Variants in CRYBG1 observed in about 807,000 individuals in gnomAD.
CRYBG1 encodes beta/gamma crystallin domain-containing protein 1.
In CRYBG1, 139 loss-of-function variants were observed where a neutral mutation model predicts 189.2. The ratio of observed to expected loss-of-function variants is 0.73; its 90% confidence interval spans 0.64 to 0.85. CRYBG1 has a LOEUF of 0.85. Ranked by LOEUF, CRYBG1 falls within the 40% of genes least tolerant of loss-of-function variation. The pLI is 0.00. For missense variants in CRYBG1, 2,611 were observed against 2,675.8 expected, an observed-to-expected ratio of 0.98 and a Z score of 0.53; for synonymous variants, 1,023 against 1,017.1, an observed-to-expected ratio of 1.01 and a Z score of -0.11.
In CRYBG1 at chr6:106,424,373, T is replaced by C. The variant is rs138551096; in HGVS notation, c.174-27321T>C. Among the ~76,000 whole-genome samples the C allele has an allele frequency of 9.8e-4, 149 of 152,310 alleles. 1 individual carries two copies. Among genetic ancestry groups the C allele is most frequent in the African/African-American group, 3.3e-3 (138 of 41,580 alleles). On this transcript the variant is annotated intron_variant, in intron 1 of 21. Coordinates refer to ENST00000633556, the MANE Select transcript of CRYBG1 (RefSeq NM_001371242.2). ...ATTACACAAGACCATTTTACTTACA[T>C]GACATGACCATTTTACTCATCCTCC...
At chr6:106,442,939 T>C (rs914189878) in intron 1 of CRYBG1, among the ~76,000 whole-genome samples, 2 of 152,216 alleles carry the variant, frequency 1.3e-5, no homozygotes, top group Non-Finnish European at 2.9e-5. Context: ...TAGGGCTTTA[T>C]TCTGTAGACA....
Position 106,525,050 on chromosome 6 carries a change from T to C in CRYBG1, c.4246-83T>C, listed in dbSNP as rs557257764. 82 of 1,370,150 alleles carry C rather than the reference T, an allele frequency of 6.0e-5. No homozygotes were observed. In the African/African-American group the frequency reaches 6.7e-4, roughly 11 times the overall value. The allele number at this position is 1,370,150 out of a possible 1,614,324, so 84.9% of individuals were successfully genotyped here. ...GATACAATGTGGGAAAAGTGTGATC[T>C]ACCTACAGGATCGTGGGTGGAAAAA... On this transcript the variant is annotated intron_variant, in intron 4 of 21. Transcript: ENST00000633556.
chr6:106,549,301 G>A (rs867556998), intron 13 of CRYBG1, among the ~76,000 whole-genome samples: 5 of 152,114 alleles, frequency 3.3e-5, no homozygotes, highest in Admixed American at 6.5e-5. Context: ...TGGTCAGCCC[G>A]GGGACCTTGG....
chr6:106,399,093 A>G (rs149952493), intron 1 of CRYBG1, among the ~76,000 whole-genome samples: 2 of 152,346 alleles, frequency 1.3e-5, no homozygotes, highest in East Asian at 3.9e-4. Context: ...TGCATAGTAG[A>G]AGGTAACAAA....
At chr6:106,527,267 G>A (rs759965496) in intron 6 of CRYBG1, 38 bp from the exon 7 acceptor site, 20 of 1,565,580 alleles carry the variant, frequency 1.3e-5, no homozygotes, top group South Asian at 4.8e-5. Flanking sequence ...CCTCTCTCAC[G>A]AAGACTGACT....
chr6:106,483,390 A>ATATATATATAC (rs1772512847), intron 2 of CRYBG1, among the ~76,000 whole-genome samples: 1 of 96,772 alleles, frequency 1.0e-5, no homozygotes, highest in East Asian at 2.9e-4. Flanking sequence ...ATATATATAT[A>ATATATATATAC]GATATATATA....
intron 21 of CRYBG1, among the ~76,000 whole-genome samples, chr6:106,565,008 GTC>G (rs535115785): frequency 1.6e-3 from 245 of 152,228 alleles, no homozygotes; most frequent in African/African-American, 5.8e-3. Flanking sequence ...GGCCAATGCT[GTC>G]ATTAAAGTTT....
chr6:106,555,835 T>G lies in CRYBG1; in HGVS notation c.5653T>G (p.Cys1885Gly). 1 of 1,614,180 alleles carries G rather than the reference T, an allele frequency of 6.2e-7. No homozygotes were observed. Among genetic ancestry groups the G allele is most frequent in the Non-Finnish European group, 8.5e-7 (1 of 1,180,006 alleles). Residue 1885 changes from cysteine to glycine, a missense_variant, in exon 17 of 22, where the codon TGT (cysteine) becomes GGT (glycine). Transcript: ENST00000633556. Reference protein sequence around the residue: ...QYVLEEGHYPCLSAMGCPPGA... With the variant: ...QYVLEEGHYPGLSAMGCPPGA... ...CGTGTTGGAAGAAGGCCATTATCCT[T>G]GTCTGTCTGCAATGGGATGCCCGCC...
At chr6:106,525,582 T>C (rs978871079) in intron 6 of CRYBG1, among the ~76,000 whole-genome samples, 196 bp downstream of exon 6, 11 of 152,222 alleles carry the variant, frequency 7.2e-5, no homozygotes, top group Non-Finnish European at 1.3e-4. Context: ...AGCAGTGATA[T>C]ATGTTTATGG....
intron 17 of CRYBG1, among the ~76,000 whole-genome samples, chr6:106,556,567 T>C (rs886832017): frequency 1.3e-5 from 2 of 152,212 alleles, no homozygotes; most frequent in Admixed American, 1.3e-4. Context: ...GTGCCCTCTT[T>C]TGGACAGAAG....
At chr6:106,483,401 T>TATATATATATATATATA in intron 2 of CRYBG1, among the ~76,000 whole-genome samples, 28 of 95,572 alleles carry the variant, frequency 2.9e-4, no homozygotes, top group East Asian at 7.7e-4. Flanking sequence ...GATATATATA[T>TATATATATATATATATA]AAAACATTTT....
chr6:106,369,130 A>G (rs1769962511), intron 1 of CRYBG1, among the ~76,000 whole-genome samples: 1 of 152,228 alleles, frequency 6.6e-6, no homozygotes, highest in Non-Finnish European at 1.5e-5. Context: ...ATTTTGACAA[A>G]GTACCAGGAG....
chr6:106,541,297 T>C (rs1267987005), intron 9 of CRYBG1: 4 of 561,694 alleles, frequency 7.1e-6, no homozygotes, highest in Non-Finnish European at 1.4e-5. Flanking sequence ...TCAAGAGAAG[T>C]ATGGATTTTT....
At chr6:106,390,425 C>T (rs2114335333) in intron 1 of CRYBG1, among the ~76,000 whole-genome samples, 1 of 151,970 alleles carries the variant, frequency 6.6e-6, no homozygotes, top group Non-Finnish European at 1.5e-5. Flanking sequence ...CTTTTCTTCT[C>T]CCTTCTTTCC....
rs191003561 is a variant in CRYBG1 at position 106,405,913 on chromosome 6, A to G, written c.173+44832A>G. ...AGCAAAGGTAGGTAAATCCACAAAG[A>G]TGAGGAAAAATCAGTGCAAAAAGGC... On this transcript the variant is annotated intron_variant, in intron 1 of 21. Transcript: ENST00000633556. 4.4e-3 allele frequency among the ~76,000 whole-genome samples: 666 copies of G among 152,348 alleles called. 6 individuals are homozygous for G. The highest frequency in any genetic ancestry group is 5.6e-3 in the Non-Finnish European group (380 of 68,028).
rs9384615 is a variant in CRYBG1, at chr6:106,479,495, G to A, written c.312+27663G>A. ...GGCAATTCTACATTTAACATTTTGAGAAATGGCCAAACTGTTTTCCAAAGC... is the reference window on the plus strand; with the variant it reads ...GGCAATTCTACATTTAACATTTTGAAAAATGGCCAAACTGTTTTCCAAAGC... On this transcript the variant is annotated intron_variant, in intron 2 of 21. Transcript: ENST00000633556. Among the ~76,000 whole-genome samples, 325 of 152,286 alleles carry A rather than the reference G, an allele frequency of 2.1e-3. 6 individuals are homozygous for A. In the East Asian group the frequency reaches 0.038, roughly 18 times the overall value.
chr6:106,526,668 A>G (rs945026898), intron 6 of CRYBG1, among the ~76,000 whole-genome samples: 5 of 152,158 alleles, frequency 3.3e-5, no homozygotes, highest in Non-Finnish European at 7.4e-5. Flanking sequence ...AAGGCCAGAC[A>G]TGGTGGCTCA....
intron 4 of CRYBG1, among the ~76,000 whole-genome samples, chr6:106,523,191 G>C (rs1773650293): frequency 6.6e-6 from 1 of 152,100 alleles, no homozygotes; most frequent in Non-Finnish European, 1.5e-5. Context: ...CTACCTGAAA[G>C]TATCTTGGAG....
At chr6:106,558,703 C>A (rs1582839634) in intron 18 of CRYBG1, 78 bp downstream of exon 18, 1 of 1,230,212 alleles carries the variant, frequency 8.1e-7, no homozygotes, top group East Asian at 2.7e-5. Flanking sequence ...TGGCTCACGC[C>A]TGTATTCCCA....
Sources: gnomAD v4.1 joint callset for allele counts (sites outside exome capture counted in the v4.1 genomes callset) on GRCh38, gnomAD v4.1.1 for gene constraint, MANE v1.5 for transcripts, NCBI Gene and HGNC (gene_info 2026-07-23, HGNC 2026-07-21) for gene names.